RGS7BP: variants seen among roughly 807,000 people sequenced by gnomAD.
RGS7BP encodes the protein regulator of G protein signaling 7 binding protein.
In RGS7BP, 9 loss-of-function variants were observed where a neutral mutation model predicts 31.3. That is an observed-to-expected ratio of 0.29 (90% CI 0.17 to 0.50). The LOEUF is 0.50. Ranked by LOEUF, RGS7BP falls within the 20% of genes least tolerant of loss-of-function variation. The pLI is 0.98. For missense variants in RGS7BP, 274 were observed against 322.0 expected (o/e 0.85, Z 1.14); for synonymous variants, 115 against 120.1 (o/e 0.96, Z 0.28).
chr5:64,515,708 G>GCACACA (rs1332464219), intron 2 of RGS7BP, among the ~76,000 whole-genome samples: 89 of 115,728 alleles, frequency 7.7e-4, no homozygotes, highest in Non-Finnish European at 4.9e-4. Flanking sequence ...TTGCCTATAT[G>GCACACA]CATACACACA....
chr5:64,506,766 C>A lies in RGS7BP; in HGVS notation c.142C>A (p.Arg48=), dbSNP rs1278214647. ...SGSESAHKTQ[R]ALDDCKMLVQ... ...CTCCGAGAGCGCCCACAAAACCCAA[C>A]GAGCCCTGGACGACTGCAAGATGGT... Residue 48 remains arginine (R), a synonymous_variant, in exon 1 of 6, where the codon CGA becomes AGA. Coordinates refer to ENST00000334025, the MANE Select transcript of RGS7BP (RefSeq NM_001029875.3). This position sits in a 1 kb window ranked among gnomAD's most constrained non-coding sequence, Gnocchi z 4.6. The A allele has an allele frequency of 1.2e-6, 2 of 1,601,420 alleles. No individual in the cohort carries two copies. The highest frequency in any genetic ancestry group is 1.7e-6 in the Non-Finnish European group (2 of 1,170,814).
intron 2 of RGS7BP, among the ~76,000 whole-genome samples, chr5:64,510,568 C>T (rs928596092): frequency 6.6e-6 from 1 of 151,930 alleles, no homozygotes; most frequent in African/African-American, 2.4e-5. Context: ...CAGATGAGCT[C>T]GAGAAATCTT....
chr5:64,537,951 A>G (rs927049984), intron 2 of RGS7BP, among the ~76,000 whole-genome samples: 1 of 152,222 alleles, frequency 6.6e-6, no homozygotes, highest in Admixed American at 6.5e-5. Context: ...AAGAAAGAGG[A>G]AAGAACTCAT....
rs142931714 is a variant in RGS7BP at position 64,578,522 on chromosome 5, T to A, written c.463+2618T>A. 2.0e-5 allele frequency among the ~76,000 whole-genome samples: 3 copies of A among 152,122 alleles called. No individual in the cohort carries two copies. The South Asian group carries it at 6.2e-4, about 32-fold the overall frequency. On this transcript the variant is annotated intron_variant, in intron 3 of 5. Coordinates refer to ENST00000334025, the MANE Select transcript of RGS7BP (RefSeq NM_001029875.3). The stretch of plus-strand genomic sequence containing the variant: ...GCACTCCAGGTGATTCTGAAACACA[T>A]TGAGGATTAAGAACTGCTCCTCTAC...
At chr5:64,543,383 A>G (rs967928351) in intron 2 of RGS7BP, among the ~76,000 whole-genome samples, 10 of 152,272 alleles carry the variant, frequency 6.6e-5, no homozygotes, top group African/African-American at 2.2e-4. Context: ...CAAAAACCCC[A>G]TGAAAGTGTT....
intron 2 of RGS7BP, among the ~76,000 whole-genome samples, chr5:64,563,571 A>G (rs926014410): frequency 6.6e-6 from 1 of 152,168 alleles, no homozygotes; most frequent in African/African-American, 2.4e-5. Flanking sequence ...AGTGATTGCC[A>G]GAAAACTAAC....
intron 2 of RGS7BP, among the ~76,000 whole-genome samples, chr5:64,537,861 T>A (rs1005194471): frequency 2.6e-5 from 4 of 152,046 alleles, no homozygotes; most frequent in African/African-American, 9.7e-5. Context: ...TAAATGAAGA[T>A]CCATATGACA....
intron 2 of RGS7BP, among the ~76,000 whole-genome samples, chr5:64,563,322 G>A (rs554570953): frequency 3.6e-4 from 54 of 152,056 alleles, no homozygotes; most frequent in African/African-American, 1.3e-3. Context: ...TGAATTGTAT[G>A]TCCCCCAAAT....
intron 3 of RGS7BP, among the ~76,000 whole-genome samples, chr5:64,576,654 T>G (rs534740371): frequency 6.6e-6 from 1 of 152,170 alleles, no homozygotes; most frequent in Admixed American, 6.5e-5. Context: ...TCACTGTAGA[T>G]AGCGGGGAGG....
intron 3 of RGS7BP, among the ~76,000 whole-genome samples, chr5:64,579,086 CT>C (rs765441729): frequency 6.6e-6 from 1 of 152,194 alleles, no homozygotes; most frequent in Non-Finnish European, 1.5e-5. Flanking sequence ...CCTGGCAAGT[CT>C]CTTGTGTTTC....
chr5:64,541,423 C>T (rs1741523536), intron 2 of RGS7BP, among the ~76,000 whole-genome samples: 1 of 152,180 alleles, frequency 6.6e-6, no homozygotes, highest in Non-Finnish European at 1.5e-5. Flanking sequence ...CAAGCCAAGC[C>T]ATATCAATGG....
intron 2 of RGS7BP, among the ~76,000 whole-genome samples, chr5:64,533,994 T>A (rs1749440258): frequency 6.6e-6 from 1 of 151,918 alleles, no homozygotes; most frequent in Non-Finnish European, 1.5e-5. Flanking sequence ...ATTACAAAAG[T>A]GGGATGTGTA....
At chr5:64,531,537 C>T (rs1210742393) in intron 2 of RGS7BP, among the ~76,000 whole-genome samples, 1 of 152,106 alleles carries the variant, frequency 6.6e-6, no homozygotes, top group East Asian at 1.9e-4. Context: ...GAAGTCACCC[C>T]ATGCAATAAG....
chr5:64,525,338 A>G (rs758906013), intron 2 of RGS7BP, among the ~76,000 whole-genome samples: 3 of 152,190 alleles, frequency 2.0e-5, no homozygotes. Context: ...TTGGGACTGT[A>G]TTCCTTCCTA....
intron 2 of RGS7BP, among the ~76,000 whole-genome samples, chr5:64,549,251 G>A (rs990612946): frequency 1.1e-4 from 17 of 152,166 alleles, no homozygotes; most frequent in African/African-American, 1.9e-4. Flanking sequence ...AGATATTCCC[G>A]TTGCAAAAGG....
chr5:64,572,111 G>C (rs1742313810), intron 2 of RGS7BP, among the ~76,000 whole-genome samples: 1 of 152,118 alleles, frequency 6.6e-6, no homozygotes, highest in Non-Finnish European at 1.5e-5. Flanking sequence ...ATGTGGTAAA[G>C]TTACCTCTAA....
At chr5:64,518,665 A>AGCTG (rs1749034960) in intron 2 of RGS7BP, among the ~76,000 whole-genome samples, 1 of 152,204 alleles carries the variant, frequency 6.6e-6, no homozygotes, top group Non-Finnish European at 1.5e-5. Context: ...AATTATCTTC[A>AGCTG]GCTGGCAGTA....
At chr5:64,509,980 A>T (rs1748790125) in intron 2 of RGS7BP, among the ~76,000 whole-genome samples, 1 of 152,138 alleles carries the variant, frequency 6.6e-6, no homozygotes, top group Non-Finnish European at 1.5e-5. Context: ...TTAATGAAGG[A>T]TGTGATTCCC....
At chr5:64,584,586 C>T (rs536538345) in intron 3 of RGS7BP, among the ~76,000 whole-genome samples, 26 of 152,298 alleles carry the variant, frequency 1.7e-4, no homozygotes, top group African/African-American at 6.0e-4. Context: ...CTATTGTTTG[C>T]TCTTCTCCTG....
Sources: gnomAD v4.1 joint callset for allele counts (sites outside exome capture counted in the v4.1 genomes callset) on GRCh38, gnomAD v4.1.1 for gene constraint, Gnocchi (gnomAD v3.1) non-coding constraint, MANE v1.5 for transcripts, NCBI Gene and HGNC (gene_info 2026-07-23, HGNC 2026-07-21) for gene names.